FBXL16: variants seen among roughly 807,000 people sequenced by gnomAD.
FBXL16 encodes F-box/LRR-repeat protein 16.
FBXL16 carries 7 observed loss-of-function variants against 36.7 expected under a neutral mutation model. The ratio of observed to expected loss-of-function variants is 0.19; its 90% CI spans 0.11 to 0.36. FBXL16 has a LOEUF of 0.36. FBXL16 is among the 10% of genes least tolerant of loss of function. The probability of loss-of-function intolerance (pLI) is 1.00; values close to 1 mark genes in which losing one functional copy is unlikely to be tolerated. For synonymous variants in FBXL16, 355 were observed against 308.7 expected (o/e 1.15, Z -1.57); for missense variants, 463 against 659.4 (o/e 0.70, Z 3.26).
At position 693,311 on chromosome 16, in the gene FBXL16, C is replaced by G. The variant is rs1312106774; in HGVS notation, c.*964G>C. On this transcript the variant is annotated 3_prime_UTR_variant, in exon 6 of 6. Coordinates refer to ENST00000397621, the MANE Select transcript of FBXL16 (RefSeq NM_153350.4). ...GCTGGGTCCACTCTGCAGACTCCAC[C>G]TGAGGAGACCCACCCAGGGTGAAGC... 1 of 152,458 alleles carries G rather than the reference C, an allele frequency of 6.6e-6. No individual in the cohort carries two copies. Among genetic ancestry groups the G allele is most frequent in the African/African-American group, 2.4e-5 (1 of 41,448 alleles). The allele number at this position is 152,458 out of a possible 1,614,324, so 9.4% of individuals were successfully genotyped here.
At chr16:701,414 C>T (rs1241684896) in intron 1 of FBXL16, among the ~76,000 whole-genome samples, 1 of 152,242 alleles carries the variant, frequency 6.6e-6, no homozygotes, top group Non-Finnish European at 1.5e-5. Flanking sequence ...CCTCACACTC[C>T]CGGCTTGACT....
At chr16:703,044 CAT>C (rs1282121798) in intron 1 of FBXL16, among the ~76,000 whole-genome samples, 1 of 152,226 alleles carries the variant, frequency 6.6e-6, no homozygotes, top group African/African-American at 2.4e-5. Flanking sequence ...CCAGAAGTTA[CAT>C]AGAGCTAGGA....
Position 695,540 on chromosome 16 carries a change from C to T in FBXL16, c.1017G>A (p.Glu339=). ...GCSKVTDDGV[E]LVAENLRKLR... is the part of the protein sequence containing the mutation. ...GCTTGCGCAGGTTCTCGGCCACGAG[C>T]TCCACGCCGTCGTCGGTGACCTTGG... is the stretch of plus-strand genomic sequence containing the variant. The change falls in exon 3 of 6, where the codon GAG becomes GAA. Residue 339 remains glutamate (E), a synonymous_variant. Transcript: ENST00000397621. The T allele has an allele frequency of 6.2e-7, 1 of 1,601,448 alleles. No individual in the cohort carries two copies. The highest frequency in any genetic ancestry group is 8.5e-7 in the Non-Finnish European group (1 of 1,178,580).
At chr16:700,883 T>C (rs2040051452) in intron 1 of FBXL16, among the ~76,000 whole-genome samples, 2 of 151,946 alleles carry the variant, frequency 1.3e-5, no homozygotes, top group Admixed American at 1.3e-4. Flanking sequence ...AGCCCCGCAA[T>C]CCCAAATCCC....
Position 694,298 on chromosome 16 carries a change from G to T in FBXL16, c.1417C>A (p.Pro473Thr). ...CGCTACTCAATGACGAGGCAGCGGGGCAGGTGCTGCGAGAAATACTTGAAG... is the reference window on the plus strand; with the variant it reads ...CGCTACTCAATGACGAGGCAGCGGGTCAGGTGCTGCGAGAAATACTTGAAG... ...ELFKYFSQHL[P>T]RCLVIE Residue 473 changes from proline (P) to threonine (T), a missense_variant, in exon 6 of 6, where the codon CCC becomes ACC. Pro to Thr is a conservative substitution (Grantham distance 38, BLOSUM62 -1). Coordinates refer to ENST00000397621, the MANE Select transcript of FBXL16 (RefSeq NM_153350.4). 1 of 1,455,296 alleles carries T rather than the reference G, an allele frequency of 6.9e-7. No individual in the cohort carries two copies. The allele number at this position is 1,455,296 out of a possible 1,614,324, so 90.1% of individuals were successfully genotyped here. A position where few individuals can be genotyped will look rare whatever the true frequency, so the allele number is the denominator to read the frequency against.
intron 1 of FBXL16, among the ~76,000 whole-genome samples, chr16:700,375 C>T (rs1380828887): frequency 1.3e-5 from 2 of 152,206 alleles, no homozygotes; most frequent in African/African-American, 4.8e-5. Context: ...CGGTGACCCC[C>T]ATCATGTGCC....
chr16:694,480 G>T, intron 5 of FBXL16, 57 bp from the exon 6 acceptor site: 1 of 1,498,280 alleles, frequency 6.7e-7, no homozygotes, highest in Non-Finnish European at 8.9e-7. Flanking sequence ...GGGCGGGGAC[G>T]GCCGGGCCGC....
rs917897877 is a variant in FBXL16 at position 705,710 on chromosome 16, G to C, written c.-213C>G. On this transcript the variant is annotated 5_prime_UTR_variant, in exon 1 of 6. Coordinates refer to ENST00000397621, the MANE Select transcript of FBXL16 (RefSeq NM_153350.4). ...CGGAAAGGAGCTCCCCGGTGGGAGA[G>C]GATCGGCCGCCCCAAGCCTCCCACC... is the stretch of plus-strand genomic sequence containing the variant. The C allele has an allele frequency of 1.3e-5, 2 of 148,682 alleles. No individual in the cohort carries two copies. The highest frequency in any genetic ancestry group is 6.7e-5 in the Admixed American group (1 of 14,972). The allele number at this position is 148,682 out of a possible 1,614,324, so 9.2% of individuals were successfully genotyped here. A position where few individuals can be genotyped will look rare whatever the true frequency, so the allele number is the denominator to read the frequency against.
intron 1 of FBXL16, among the ~76,000 whole-genome samples, chr16:698,438 G>T (rs2040031292): frequency 6.6e-6 from 1 of 152,244 alleles, no homozygotes; most frequent in South Asian, 2.1e-4. Context: ...TGACCTCTCT[G>T]CTGTGCCGTC....
At chr16:694,883 G>T in intron 4 of FBXL16, 109 bp downstream of exon 4, 1 of 1,301,102 alleles carries the variant, frequency 7.7e-7, no homozygotes. Context: ...GTCGGCTGCT[G>T]GATAGGGAGG....
chr16:699,012 G>A (rs958014485), intron 1 of FBXL16, among the ~76,000 whole-genome samples: 1 of 152,122 alleles, frequency 6.6e-6, no homozygotes, highest in Non-Finnish European at 1.5e-5. Flanking sequence ...ATCTTCCCAG[G>A]GTGTGCTGTG....
rs755335069 is a variant in FBXL16, at chr16:695,852, C to G, written c.705G>C (p.Gly235=). 7.5e-6 allele frequency: 12 copies of G among 1,604,070 alleles called. No individual in the cohort carries two copies. The highest frequency in any genetic ancestry group is 1.0e-5 in the Non-Finnish European group (12 of 1,173,796). The change falls in exon 3 of 6, where the codon GGG becomes GGC. Residue 235 remains glycine (G), a synonymous_variant. Coordinates refer to ENST00000397621, the MANE Select transcript of FBXL16 (RefSeq NM_153350.4). ...LSGCNDFTEA[G]LWSSLSARIT... is the part of the protein sequence containing the mutation. Reference sequence around the variant, plus strand: ...TGCGCGCGCTCAGGCTGGACCACAGCCCGGCCTCGGTGAAGTCGTTGCAGC... The same window carrying G: ...TGCGCGCGCTCAGGCTGGACCACAGGCCGGCCTCGGTGAAGTCGTTGCAGC...
Position 705,739 on chromosome 16 carries a change from G to T in FBXL16, c.-242C>A, listed in dbSNP as rs925476444. The T allele has an allele frequency of 1.3e-5, 2 of 148,812 alleles. No individual in the cohort carries two copies. The highest frequency in any genetic ancestry group is 6.7e-5 in the Admixed American group (1 of 15,004). The allele number at this position is 148,812 out of a possible 1,614,324, so 9.2% of individuals were successfully genotyped here. ...CGGCCGCCCCAAGCCTCCCACCGGG[G>T]AGGCTGAGGCTGTGCCCAGATAAAT... is the stretch of plus-strand genomic sequence containing the variant. On this transcript the variant is annotated 5_prime_UTR_variant, in exon 1 of 6. Coordinates refer to ENST00000397621, the MANE Select transcript of FBXL16 (RefSeq NM_153350.4).
At position 694,397 on chromosome 16, in the gene FBXL16, G is replaced by A. The variant is rs761216501; in HGVS notation, c.1318C>T (p.Leu440=). The A allele has an allele frequency of 1.9e-6, 3 of 1,549,642 alleles. No individual in the cohort carries two copies. Among genetic ancestry groups the A allele is most frequent in the East Asian group, 5.0e-5 (2 of 39,972 alleles). ...TCCTGCAGCTGCACCAGGCCCGACA[G>A]CCCGGTGGTGGTGAGCAGCGGGCAG... ...AGCPLLTTTG[L]SGLVQLQELE... is the part of the protein sequence containing the mutation. The change falls in exon 6 of 6, where the codon CTG becomes TTG. Residue 440 remains leucine, a synonymous_variant. Transcript: ENST00000397621.
chr16:695,350 CCCCGCCCCGCCCCGTG>C (rs2040002815), intron 3 of FBXL16, 49 bp downstream of exon 3: 2 of 1,104,290 alleles, frequency 1.8e-6, no homozygotes, highest in African/African-American at 3.4e-5. Flanking sequence ...TGCAGCCCCG[CCCCGCCCCGCCCCGTG>C]CAGCCCCGCC....
intron 1 of FBXL16, among the ~76,000 whole-genome samples, chr16:703,693 A>C (rs1378088504): frequency 1.3e-5 from 2 of 152,202 alleles, no homozygotes; most frequent in Admixed American, 1.3e-4. Context: ...CTGGGGGTGC[A>C]CCAGGGGCTC....
At chr16:696,599 T>G (rs933054823) in intron 2 of FBXL16, among the ~76,000 whole-genome samples, 174 bp downstream of exon 2, 2 of 118,232 alleles carry the variant, frequency 1.7e-5, no homozygotes, top group Admixed American at 1.9e-4. Flanking sequence ...GCTGCCATCT[T>G]GAAAATCTTG....
At chr16:699,057 G>A (rs4984916) in intron 1 of FBXL16, among the ~76,000 whole-genome samples, 64,190 of 152,134 alleles carry the variant, frequency 0.42, 17,651 homozygotes, top group African/African-American at 0.75. Context: ...ACAAGCTGTC[G>A]CTTTAATCTT....
intron 4 of FBXL16, 97 bp downstream of exon 4, chr16:694,895 G>A (rs1369512668): frequency 1.5e-6 from 2 of 1,357,210 alleles, no homozygotes; most frequent in Non-Finnish European, 2.0e-6. Context: ...ATAGGGAGGG[G>A]CCCCAGACTC....
Sources: allele counts gnomAD v4.1 joint callset (sites outside exome capture counted in the v4.1 genomes callset), GRCh38; gene constraint gnomAD v4.1.1; transcripts MANE v1.5; gene names NCBI Gene and HGNC (gene_info 2026-07-23, HGNC 2026-07-21).